KHDRBS2: variants seen among roughly 807,000 people sequenced by gnomAD.
The protein encoded by KHDRBS2 is KH domain-containing, RNA-binding, signal transduction-associated protein 2.
A neutral mutation model predicts 44.3 loss-of-function variants in KHDRBS2; 26 were observed. The ratio of observed to expected loss-of-function variants is 0.59; its 90% CI spans 0.43 to 0.81. The LOEUF is 0.81. KHDRBS2 is among the 40% of genes least tolerant of loss of function. KHDRBS2 has a pLI of 0.00. For synonymous variants in KHDRBS2, 194 were observed against 151.1 expected, an observed-to-expected ratio of 1.28 and a Z score of -2.08; for missense variants, 476 against 433.1, an observed-to-expected ratio of 1.10 and a Z score of -0.88.
chr6:62,215,099 T>C (rs764132085), intron 1 of KHDRBS2, among the ~76,000 whole-genome samples: 4 of 151,842 alleles, frequency 2.6e-5, no homozygotes, highest in Non-Finnish European at 4.4e-5. Flanking sequence ...CTTTTCTCTA[T>C]GGGAAGTCAG....
intron 1 of KHDRBS2, among the ~76,000 whole-genome samples, chr6:62,264,321 T>C (rs1327246714): frequency 1.3e-5 from 2 of 151,896 alleles, no homozygotes; most frequent in East Asian, 1.9e-4. Flanking sequence ...TGTTGTGACA[T>C]GTCAAACCAA....
chr6:61,602,419 C>T, the KHDRBS2 span, among the ~76,000 whole-genome samples: 2 of 152,074 alleles, frequency 1.3e-5, no homozygotes, highest in Non-Finnish European at 2.9e-5. Context: ...GCCTGTAGCC[C>T]AGGATTCCTC....
At chr6:61,843,902 T>C (rs1017197900) in intron 6 of KHDRBS2, among the ~76,000 whole-genome samples, 3 of 152,200 alleles carry the variant, frequency 2.0e-5, no homozygotes, top group East Asian at 1.9e-4. Flanking sequence ...TTCTCACCTC[T>C]TTCTATCGAA....
chr6:61,612,916 G>A, the KHDRBS2 span, among the ~76,000 whole-genome samples: 5 of 135,808 alleles, frequency 3.7e-5, no homozygotes, highest in South Asian at 7.4e-4. Context: ...GCAGTGGCGC[G>A]ATCTCGGCTG....
At chr6:61,916,965 ATTTTTTTTTTT>A (rs10700035) in intron 4 of KHDRBS2, among the ~76,000 whole-genome samples, 3 of 90,640 alleles carry the variant, frequency 3.3e-5, no homozygotes, top group Non-Finnish European at 6.2e-5. Flanking sequence ...GGAACTCTGT[ATTTTTTTTTTT>A]TTTTTTTTTT....
At chr6:62,052,956 T>C (rs1789409536) in intron 2 of KHDRBS2, among the ~76,000 whole-genome samples, 2 of 152,008 alleles carry the variant, frequency 1.3e-5, no homozygotes, top group Admixed American at 1.3e-4. Context: ...TTGTTCTGTA[T>C]TTGGATTTCA....
intron 2 of KHDRBS2, among the ~76,000 whole-genome samples, chr6:62,134,099 A>G (rs560690344): frequency 1.3e-5 from 2 of 152,286 alleles, no homozygotes; most frequent in South Asian, 4.1e-4. Context: ...AATCGCTAAG[A>G]CAATCCAGGG....
the KHDRBS2 span, among the ~76,000 whole-genome samples, chr6:61,632,586 T>C: frequency 1.3e-5 from 2 of 152,202 alleles, no homozygotes; most frequent in African/African-American, 2.4e-5. Flanking sequence ...GGCAATTGAT[T>C]GTGAATGGCA....
chr6:62,199,617 C>G (rs1041122024), intron 1 of KHDRBS2, among the ~76,000 whole-genome samples: 1 of 152,188 alleles, frequency 6.6e-6, no homozygotes, highest in African/African-American at 2.4e-5. Flanking sequence ...ATTCCATGCT[C>G]ATGGGTAGGA....
intron 2 of KHDRBS2, among the ~76,000 whole-genome samples, chr6:62,066,809 T>C (rs1793840076): frequency 6.6e-6 from 1 of 151,614 alleles, no homozygotes; most frequent in African/African-American, 2.4e-5. Context: ...AAGTGAAACA[T>C]TTTAAAATAA....
intron 6 of KHDRBS2, among the ~76,000 whole-genome samples, chr6:61,848,112 C>T (rs1396557047): frequency 6.6e-6 from 1 of 151,826 alleles, no homozygotes; most frequent in Non-Finnish European, 1.5e-5. Context: ...TAAATAATTG[C>T]TTGAGTATCA....
At chr6:61,566,732 CCAAT>C in the KHDRBS2 span, among the ~76,000 whole-genome samples, 1 of 151,998 alleles carries the variant, frequency 6.6e-6, no homozygotes, top group Non-Finnish European at 1.5e-5. Context: ...TTTTTTTGAG[CCAAT>C]CAAACTATGT....
chr6:62,088,213 T>C (rs1387934739), intron 2 of KHDRBS2, among the ~76,000 whole-genome samples: 1 of 152,142 alleles, frequency 6.6e-6, no homozygotes, highest in Non-Finnish European at 1.5e-5. Context: ...TCAAACTCAT[T>C]CTCCATCATC....
intron 2 of KHDRBS2, among the ~76,000 whole-genome samples, chr6:62,158,105 C>T (rs1289290718): frequency 6.6e-6 from 1 of 152,184 alleles, no homozygotes; most frequent in African/African-American, 2.4e-5. Context: ...TCATCCATTT[C>T]ATCCCTATTC....
chr6:62,209,703 A>G (rs577354973), intron 1 of KHDRBS2, among the ~76,000 whole-genome samples: 1 of 152,142 alleles, frequency 6.6e-6, no homozygotes, highest in African/African-American at 2.4e-5. Flanking sequence ...CTGGATTGGC[A>G]CCCTCTAATC....
chr6:61,775,745 C>T (rs1174738456), intron 6 of KHDRBS2, among the ~76,000 whole-genome samples: 2 of 152,140 alleles, frequency 1.3e-5, no homozygotes, highest in African/African-American at 4.8e-5. Flanking sequence ...TCAATGCCAT[C>T]CCCATCAAGC....
chr6:62,281,060 G>T (rs1270060681), intron 1 of KHDRBS2, among the ~76,000 whole-genome samples: 1 of 152,158 alleles, frequency 6.6e-6, no homozygotes, highest in Non-Finnish European at 1.5e-5. Context: ...GAATAGGTCT[G>T]AAATTACTCT....
At chr6:62,243,618 A>C (rs889935043) in intron 1 of KHDRBS2, among the ~76,000 whole-genome samples, 42 of 150,336 alleles carry the variant, frequency 2.8e-4, no homozygotes, top group Non-Finnish European at 5.3e-4. Flanking sequence ...AAAAAAAAAA[A>C]CTCATTATAC....
intron 6 of KHDRBS2, among the ~76,000 whole-genome samples, chr6:61,854,200 T>C (rs1795843712): frequency 1.3e-5 from 2 of 152,160 alleles, no homozygotes; most frequent in Non-Finnish European, 2.9e-5. Flanking sequence ...TTCATCATAA[T>C]ACTTGAAATT....
Sources: gnomAD v4.1 joint callset for allele counts (sites outside exome capture counted in the v4.1 genomes callset) on GRCh38, gnomAD v4.1.1 for gene constraint, MANE v1.5 for transcripts, NCBI Gene and HGNC (gene_info 2026-07-23, HGNC 2026-07-21) for gene names.